GALNT13: variants seen among roughly 807,000 people sequenced by gnomAD.
GALNT13 encodes UDP-GalNAc:polypeptide N-acetylgalactosaminyltransferase 13.
In GALNT13, 28 loss-of-function variants were observed where a neutral mutation model predicts 64.2. The observed-to-expected ratio is 0.44, with a 90% CI of 0.32 to 0.60. The LOEUF (loss-of-function observed/expected upper bound fraction) is 0.60. Among genes scored for constraint, GALNT13 ranks in the 20% least tolerant of loss-of-function variants. The pLI is 0.05. For missense variants in GALNT13, 577 were observed against 669.8 expected (o/e 0.86, Z 1.53); for synonymous variants, 214 against 224.6 (o/e 0.95, Z 0.42).
At chr2:154,429,263 T>C (rs976797474) in intron 11 of GALNT13, among the ~76,000 whole-genome samples, 4 of 152,172 alleles carry the variant, frequency 2.6e-5, no homozygotes, top group Non-Finnish European at 5.9e-5. Flanking sequence ...AAAGTAGGCA[T>C]CTTGCACCAA....
intron 7 of GALNT13, among the ~76,000 whole-genome samples, chr2:154,251,416 C>T (rs1690065067): frequency 6.6e-6 from 1 of 152,106 alleles, no homozygotes; most frequent in Admixed American, 6.5e-5. Flanking sequence ...GATGTTTAAG[C>T]ACAAGTTTAA....
At chr2:154,362,843 C>G (rs963632918) in intron 9 of GALNT13, among the ~76,000 whole-genome samples, 7 of 152,132 alleles carry the variant, frequency 4.6e-5, no homozygotes, top group African/African-American at 1.4e-4. Flanking sequence ...TGTGAGGATA[C>G]TATATGGCTC....
chr2:153,193,976 G>A, the GALNT13 span, among the ~76,000 whole-genome samples: 5 of 152,148 alleles, frequency 3.3e-5, no homozygotes, highest in East Asian at 1.9e-4. Flanking sequence ...CTAGTCTGGC[G>A]GGTTCCCTTA....
the GALNT13 span, among the ~76,000 whole-genome samples, chr2:153,749,324 G>A: frequency 1.3e-5 from 2 of 151,936 alleles, no homozygotes; most frequent in African/African-American, 2.4e-5. Context: ...ATTATTCTGA[G>A]TCTTTCATGG....
the GALNT13 span, among the ~76,000 whole-genome samples, chr2:153,564,615 A>C: frequency 2.0e-5 from 3 of 151,472 alleles, no homozygotes; most frequent in Non-Finnish European, 4.4e-5. Context: ...TTTTGAGTTA[A>C]AAACATTATT....
At chr2:154,324,377 T>TA (rs1308069541) in intron 9 of GALNT13, among the ~76,000 whole-genome samples, 2 of 152,138 alleles carry the variant, frequency 1.3e-5, no homozygotes, top group African/African-American at 2.4e-5. Context: ...TTTTACTAGA[T>TA]AAAATCTCAA....
the GALNT13 span, among the ~76,000 whole-genome samples, chr2:153,181,234 ATT>A: frequency 4.3e-4 from 64 of 150,252 alleles, no homozygotes; most frequent in Middle Eastern, 3.5e-3. Flanking sequence ...ATATTTTTAA[ATT>A]TCTCTTTTAA....
chr2:153,883,109 G>T (rs936082610), intron 1 of GALNT13, among the ~76,000 whole-genome samples: 2 of 146,866 alleles, frequency 1.4e-5, no homozygotes, highest in Non-Finnish European at 3.0e-5. Flanking sequence ...TTCTTGAAAA[G>T]ATCCAGGAAA....
chr2:154,205,008 G>A (rs1687364113), intron 4 of GALNT13, among the ~76,000 whole-genome samples: 2 of 152,162 alleles, frequency 1.3e-5, no homozygotes. Flanking sequence ...AATTGAATGA[G>A]TGATGGATGA....
chr2:153,342,715 T>C, the GALNT13 span, among the ~76,000 whole-genome samples: 1 of 152,194 alleles, frequency 6.6e-6, no homozygotes, highest in East Asian at 1.9e-4. Flanking sequence ...CATCTTCTGA[T>C]TTAGTTGCTT....
the GALNT13 span, among the ~76,000 whole-genome samples, chr2:153,700,639 CAA>C: frequency 1.3e-5 from 2 of 152,108 alleles, no homozygotes; most frequent in Non-Finnish European, 2.9e-5. Flanking sequence ...GCAACCCCAG[CAA>C]AGTCTCAGGA....
At chr2:154,090,560 T>C (rs1701754896) in intron 3 of GALNT13, among the ~76,000 whole-genome samples, 1 of 152,032 alleles carries the variant, frequency 6.6e-6, no homozygotes, top group Non-Finnish European at 1.5e-5. Flanking sequence ...CTTCAGCACT[T>C]TTCTCAGTCT....
the GALNT13 span, among the ~76,000 whole-genome samples, chr2:153,822,630 A>G: frequency 4.8e-3 from 724 of 152,296 alleles, 3 homozygotes; most frequent in Non-Finnish European, 7.6e-3. Context: ...CATGTACTGA[A>G]TGGACAAAAG....
At chr2:153,820,686 C>T in the GALNT13 span, among the ~76,000 whole-genome samples, 1 of 152,120 alleles carries the variant, frequency 6.6e-6, no homozygotes, top group South Asian at 2.1e-4. Context: ...GTTACCACTA[C>T]ACCAGCCTTA....
chr2:153,860,010 T>G, the GALNT13 span, among the ~76,000 whole-genome samples: 2 of 152,204 alleles, frequency 1.3e-5, no homozygotes, highest in South Asian at 4.1e-4. Flanking sequence ...AAAGGTAGAT[T>G]TTTTTGAAGG....
chr2:153,279,943 A>G, the GALNT13 span, among the ~76,000 whole-genome samples: 1 of 152,040 alleles, frequency 6.6e-6, no homozygotes, highest in Non-Finnish European at 1.5e-5. Flanking sequence ...GAAAATTAAT[A>G]TTTGCTCTTC....
chr2:153,241,406 G>C, the GALNT13 span, among the ~76,000 whole-genome samples: 51,118 of 152,034 alleles, frequency 0.34, 8,751 homozygotes, highest in Middle Eastern at 0.49. Context: ...GATGGAAAAT[G>C]CTAATTTTGT....
intron 9 of GALNT13, among the ~76,000 whole-genome samples, chr2:154,344,587 A>G (rs1005416866): frequency 6.6e-6 from 1 of 152,042 alleles, no homozygotes; most frequent in African/African-American, 2.4e-5. Context: ...TTCCAGCTCA[A>G]GGTGGTTTAA....
chr2:153,081,263 G>A, the GALNT13 span, among the ~76,000 whole-genome samples: 1 of 151,648 alleles, frequency 6.6e-6, no homozygotes, highest in African/African-American at 2.4e-5. Flanking sequence ...ATATATTTAT[G>A]GTGTGCATGA....
Sources: gnomAD v4.1 joint callset for allele counts (sites outside exome capture counted in the v4.1 genomes callset) on GRCh38, gnomAD v4.1.1 for gene constraint, MANE v1.5 for transcripts, NCBI Gene and HGNC (gene_info 2026-07-23, HGNC 2026-07-21) for gene names.